RAD23B: variants seen among roughly 807,000 people sequenced by gnomAD.
RAD23B encodes lysine-specific demethylase RAD23B.
In RAD23B, 5 loss-of-function variants were observed where a neutral mutation model predicts 49.1. The ratio of observed to expected loss-of-function variants is 0.10; its 90% CI spans 0.05 to 0.21. The LOEUF is 0.21. Ranked by LOEUF, RAD23B falls within the 10% of genes least tolerant of loss-of-function variation. The pLI, the probability that RAD23B is intolerant of heterozygous loss-of-function variation, is 1.00. For synonymous variants in RAD23B, 184 were observed against 165.4 expected, an observed-to-expected ratio of 1.11 and a Z score of -0.86; for missense variants, 356 against 486.7, an observed-to-expected ratio of 0.73 and a Z score of 2.53.
chr9:107,314,022 T>C, intron 5 of RAD23B, among the ~76,000 whole-genome samples: 1 of 152,154 alleles, frequency 6.6e-6, no homozygotes, highest in East Asian at 1.9e-4. Context: ...AATATTTGTT[T>C]TCACTGTCAT....
At chr9:107,309,655 G>A (rs1826849426) in intron 4 of RAD23B, among the ~76,000 whole-genome samples, 1 of 152,168 alleles carries the variant, frequency 6.6e-6, no homozygotes, top group South Asian at 2.1e-4. Context: ...GTGTGGGCCG[G>A]GCGTGGTGGC....
intron 4 of RAD23B, among the ~76,000 whole-genome samples, chr9:107,309,496 A>G (rs1235350070): frequency 1.3e-5 from 2 of 152,218 alleles, no homozygotes; most frequent in African/African-American, 4.8e-5. Flanking sequence ...AAAAGAAGGC[A>G]AGCGTTGACA....
chr9:107,318,964 G>T lies in RAD23B; in HGVS notation c.681+85G>T. The T allele has an allele frequency of 7.3e-7, 1 of 1,363,352 alleles. No homozygotes were observed. Among genetic ancestry groups the T allele is most frequent in the Non-Finnish European group, 1.0e-6 (1 of 991,964 alleles). 84.5% of individuals were successfully genotyped at this position (1,363,352 alleles called of 1,614,324 possible). A position where few individuals can be genotyped will look rare whatever the true frequency, so the allele number is the denominator to read the frequency against. On this transcript the variant is annotated intron_variant, in intron 6 of 9. Transcript: ENST00000358015. The surrounding 1 kb of genome is among the most constrained non-coding windows in gnomAD (Gnocchi z 4.3). ...CAGATTTTAAAGGACCAGTTCACTT[G>T]TCACTGATATATGCTAGATGATATA...
intron 4 of RAD23B, among the ~76,000 whole-genome samples, chr9:107,308,862 C>T (rs762238577): frequency 1.3e-5 from 2 of 152,106 alleles, no homozygotes; most frequent in Non-Finnish European, 2.9e-5. Flanking sequence ...GAATAATTAT[C>T]AGGAGATAAG....
chr9:107,292,720 A>G (rs1431836768), intron 1 of RAD23B, among the ~76,000 whole-genome samples: 1 of 150,910 alleles, frequency 6.6e-6, no homozygotes, highest in African/African-American at 2.4e-5. Flanking sequence ...ACTTACACAC[A>G]TTAACAATAC....
chr9:107,295,505 T>A (rs1379027907), intron 1 of RAD23B, among the ~76,000 whole-genome samples: 1 of 152,218 alleles, frequency 6.6e-6, no homozygotes, highest in Non-Finnish European at 1.5e-5. Context: ...TGGGTCTGGA[T>A]GCAACAAAGT....
chr9:107,304,456 A>G (rs1477970185), intron 3 of RAD23B, among the ~76,000 whole-genome samples: 4 of 151,948 alleles, frequency 2.6e-5, no homozygotes, highest in African/African-American at 9.7e-5. Flanking sequence ...TTAGAACAGT[A>G]ATAATCTGCA....
chr9:107,284,691 T>TTCCTTAGTCATAAGGATTAAACTTA (rs1402620891), intron 1 of RAD23B: 1 of 1,097,102 alleles, frequency 9.1e-7, no homozygotes, highest in Non-Finnish European at 1.1e-6. Flanking sequence ...CCGCCAAGAT[T>TTCCTTAGTCATAAGGATTAAACTTA]GTCATAATAC....
intron 1 of RAD23B, among the ~76,000 whole-genome samples, chr9:107,298,459 C>T (rs1038290893): frequency 3.4e-5 from 5 of 148,972 alleles, no homozygotes; most frequent in Non-Finnish European, 5.9e-5. Context: ...AGGCATTTAC[C>T]GCCATGCTTG....
chr9:107,305,092 C>T (rs1826735234), intron 3 of RAD23B, among the ~76,000 whole-genome samples: 1 of 151,668 alleles, frequency 6.6e-6, no homozygotes, highest in Non-Finnish European at 1.5e-5. Context: ...TGTTGGAGAC[C>T]TGTCTGGGTA....
chr9:107,321,132 G>T (rs1827103082), intron 6 of RAD23B, among the ~76,000 whole-genome samples: 1 of 152,040 alleles, frequency 6.6e-6, no homozygotes, highest in Non-Finnish European at 1.5e-5. Flanking sequence ...TAAAAGATAA[G>T]TACTATAAAC....
intron 2 of RAD23B, 146 bp from the exon 3 acceptor site, chr9:107,301,889 G>A (rs562891228): frequency 1.7e-6 from 2 of 1,195,802 alleles, no homozygotes; most frequent in Non-Finnish European, 2.2e-6. Context: ...TTTTCTTTGG[G>A]AAAAGTATTA....
At chr9:107,297,654 A>T (rs189287805) in intron 1 of RAD23B, among the ~76,000 whole-genome samples, 4 of 151,460 alleles carry the variant, frequency 2.6e-5, no homozygotes, top group Non-Finnish European at 5.9e-5. Context: ...TTTTTTAATC[A>T]ATTTTGATTT....
intron 1 of RAD23B, among the ~76,000 whole-genome samples, chr9:107,289,080 CT>C (rs1833333365): frequency 6.6e-5 from 1 of 15,208 alleles, no homozygotes; most frequent in South Asian, 1.5e-3. Context: ...CCCTCCCTTC[CT>C]CCCTCCTTTC....
chr9:107,283,597 G>T lies in RAD23B; in HGVS notation c.-33G>T. 6.8e-7 allele frequency: 1 copy of T among 1,465,282 alleles called. No homozygotes were observed. Among genetic ancestry groups the T allele is most frequent in the Non-Finnish European group, 9.1e-7 (1 of 1,104,756 alleles). 90.8% of individuals were successfully genotyped at this position (1,465,282 alleles called of 1,614,324 possible). On this transcript the variant is annotated 5_prime_UTR_variant, in exon 1 of 10. Coordinates refer to ENST00000358015, the MANE Select transcript of RAD23B (RefSeq NM_002874.5). ...CCCCGCCCAGCGGCCAGCACCCGGC[G>T]CAGGCCCGGCAGCCGAGCTGCGCGG... is the stretch of plus-strand genomic sequence containing the variant.
intron 3 of RAD23B, 95 bp downstream of exon 3, chr9:107,302,209 T>A (rs1826669718): frequency 2.6e-6 from 4 of 1,532,656 alleles, no homozygotes; most frequent in Non-Finnish European, 3.5e-6. Flanking sequence ...TTTATACACA[T>A]CCATAGTGGT....
chr9:107,297,087 T>C (rs1826541980), intron 1 of RAD23B, among the ~76,000 whole-genome samples: 1 of 151,778 alleles, frequency 6.6e-6, no homozygotes, highest in African/African-American at 2.4e-5. Flanking sequence ...CTCTTAACCT[T>C]GTGATCTGCC....
intron 1 of RAD23B, among the ~76,000 whole-genome samples, chr9:107,292,864 T>C (rs1183837971): frequency 2.6e-5 from 4 of 152,180 alleles, no homozygotes; most frequent in Non-Finnish European, 5.9e-5. Context: ...AGGATAATAG[T>C]ATCTACCTGT....
chr9:107,300,520 C>A (rs1342090882), intron 2 of RAD23B, among the ~76,000 whole-genome samples: 1 of 150,624 alleles, frequency 6.6e-6, no homozygotes, highest in Admixed American at 6.6e-5. Context: ...TGAATTGAAA[C>A]CATTTATACT....
Sources: allele counts gnomAD v4.1 joint callset (sites outside exome capture counted in the v4.1 genomes callset), GRCh38; gene constraint gnomAD v4.1.1; non-coding constraint Gnocchi (gnomAD v3.1); transcripts MANE v1.5; gene names NCBI Gene and HGNC (gene_info 2026-07-23, HGNC 2026-07-21).